SYDE2: variants seen among roughly 807,000 people sequenced by gnomAD.
SYDE2 encodes rho GTPase-activating protein SYDE2.
Under a neutral mutation model 91.5 loss-of-function variants are expected in SYDE2, and 76 were observed. The ratio of observed to expected loss-of-function variants is 0.83; its 90% CI spans 0.69 to 1.01. SYDE2 has a LOEUF of 1.01. Ranked by LOEUF, SYDE2 falls within the 50% of genes least tolerant of loss-of-function variation. The pLI is 0.00. For synonymous variants in SYDE2, 513 were observed against 506.4 expected (o/e 1.01, Z -0.18); for missense variants, 1,364 against 1,367.7 (o/e 1.00, Z 0.04).
In SYDE2 at chr1:85,190,253, T is replaced by C. The variant is rs1658312418; in HGVS notation, c.1245A>G (p.Ala415=). ...SMLSGSDLMK[A]ERHTEDSLCS... ...ACAGTGAGTCTTCAGTATGCCGCTC[T>C]GCTTTCATCAGGTCACTGCCAGACA... The change falls in exon 2 of 7, where the codon GCA becomes GCG. Residue 415 remains alanine (A), a synonymous_variant. Transcript: ENST00000341460. 6.2e-7 allele frequency: 1 copy of C among 1,614,008 alleles called. No homozygotes were observed. The highest frequency in any genetic ancestry group is 8.5e-7 in the Non-Finnish European group (1 of 1,179,880).
At chr1:85,188,961 T>G (rs1371312045) in intron 2 of SYDE2, among the ~76,000 whole-genome samples, 1 of 152,220 alleles carries the variant, frequency 6.6e-6, no homozygotes, top group African/African-American at 2.4e-5. Flanking sequence ...TAAAATGACT[T>G]GATATAAAAC....
chr1:85,181,109 T>C (rs1318556175), intron 3 of SYDE2: 1 of 149,478 alleles, frequency 6.7e-6, no homozygotes, highest in Non-Finnish European at 1.5e-5. Flanking sequence ...AGTTGAGATG[T>C]GTTATCTCTT....
Position 85,197,095 on chromosome 1 carries a change from T to C in SYDE2, c.745+3157A>G, listed in dbSNP as rs368653831. ...TATAAAGATTTATAATGATGTATAG[T>C]TGGCAAACACATTAAGATTCCTTTG... On this transcript the variant is annotated intron_variant, in intron 1 of 6. Coordinates refer to ENST00000341460, the MANE Select transcript of SYDE2 (RefSeq NM_032184.2). Among the ~76,000 whole-genome samples the C allele has an allele frequency of 2.3e-4, 35 of 152,320 alleles. 1 individual carries two copies. In the Middle Eastern group the frequency reaches 0.014, roughly 59 times the overall value.
chr1:85,164,883 T>C lies in SYDE2; in HGVS notation c.2854-126A>G, dbSNP rs1396121624. 6 of 542,972 alleles carry C rather than the reference T, an allele frequency of 1.1e-5. No individual in the cohort carries two copies. In the African/African-American group the frequency reaches 1.2e-4, roughly 11 times the overall value. 33.6% of individuals were successfully genotyped at this position (542,972 alleles called of 1,614,324 possible). A position where few individuals can be genotyped will look rare whatever the true frequency, so the allele number is the denominator to read the frequency against. ...AGGATTTTTTTTAAAGATTTGCGTA[T>C]AAATTGGATGTTTGGAACCTAGAAC... On this transcript the variant is annotated intron_variant, in intron 5 of 6. Coordinates refer to ENST00000341460, the MANE Select transcript of SYDE2 (RefSeq NM_032184.2).
At chr1:85,186,802 G>A (rs967542621) in intron 2 of SYDE2, among the ~76,000 whole-genome samples, 2 of 152,100 alleles carry the variant, frequency 1.3e-5, no homozygotes, top group Non-Finnish European at 2.9e-5. Flanking sequence ...TGGGAAAACT[G>A]GCTAGCCATA....
chr1:85,160,403 G>GT, intron 6 of SYDE2: 1 of 882,910 alleles, frequency 1.1e-6, no homozygotes, highest in Non-Finnish European at 1.4e-6. Flanking sequence ...ACACAGGTAT[G>GT]TTTTTAACAT....
At chr1:85,186,948 G>A (rs1342415804) in intron 2 of SYDE2, among the ~76,000 whole-genome samples, 1 of 152,190 alleles carries the variant, frequency 6.6e-6, no homozygotes, top group Non-Finnish European at 1.5e-5. Context: ...TCAGGACACA[G>A]GCATGGGCAA....
At chr1:85,198,556 CAT>C (rs1232302754) in intron 1 of SYDE2, among the ~76,000 whole-genome samples, 1 of 152,094 alleles carries the variant, frequency 6.6e-6, no homozygotes, top group Non-Finnish European at 1.5e-5. Flanking sequence ...AATATTATCA[CAT>C]AATAATTGTT....
At chr1:85,161,842 G>C (rs749654675) in intron 6 of SYDE2, among the ~76,000 whole-genome samples, 20 of 151,558 alleles carry the variant, frequency 1.3e-4, no homozygotes, top group Non-Finnish European at 2.1e-4. Flanking sequence ...ATTATTTTCA[G>C]TATTCTTAAA....
intron 4 of SYDE2, among the ~76,000 whole-genome samples, chr1:85,173,558 G>C (rs1247560486): frequency 6.6e-6 from 1 of 152,128 alleles, no homozygotes; most frequent in East Asian, 1.9e-4. Flanking sequence ...ACAAAGAAGA[G>C]CCTTATTTAA....
At chr1:85,160,616 T>C (rs941854903) in intron 6 of SYDE2, 2 of 985,424 alleles carry the variant, frequency 2.0e-6, no homozygotes, top group Non-Finnish European at 2.4e-6. Context: ...TCATATTCTT[T>C]TTCTTCCTCT....
Position 85,157,955 on chromosome 1 carries a change from C to T in SYDE2, c.*795G>A, listed in dbSNP as rs1656921152. The T allele has an allele frequency of 6.6e-6, 1 of 152,090 alleles. No individual in the cohort carries two copies. The highest frequency in any genetic ancestry group is 2.4e-5 in the African/African-American group (1 of 41,408). The allele number at this position is 152,090 out of a possible 1,614,324, so 9.4% of individuals were successfully genotyped here. A position where few individuals can be genotyped will look rare whatever the true frequency, so the allele number is the denominator to read the frequency against. On this transcript the variant is annotated 3_prime_UTR_variant, in exon 7 of 7. Coordinates refer to ENST00000341460, the MANE Select transcript of SYDE2 (RefSeq NM_032184.2). ...GAAAACATTAATACTTGTATAATTT[C>T]ACTTTTATTTATAAAAAGATTTTCT...
chr1:85,195,747 A>T (rs1407220706), intron 1 of SYDE2, among the ~76,000 whole-genome samples: 1 of 152,226 alleles, frequency 6.6e-6, no homozygotes, highest in Non-Finnish European at 1.5e-5. Context: ...AGTGCTCCTC[A>T]AGGCAGTACT....
chr1:85,182,999 G>T lies in SYDE2; in HGVS notation c.1643C>A (p.Thr548Lys). ...ATCTGGACTGTTTATATAATTCAAT[G>T]TTCCCTTAACGCTTAGCTTTCGGCT... ...EFSRKLSVKG[T>K]LNYINSPDNT... The change falls in exon 3 of 7, where the codon ACA becomes AAA. Residue 548 changes from threonine (T) to lysine (K), a missense_variant. Coordinates refer to ENST00000341460, the MANE Select transcript of SYDE2 (RefSeq NM_032184.2). The T allele has an allele frequency of 6.2e-7, 1 of 1,612,942 alleles. No homozygotes were observed. The highest frequency in any genetic ancestry group is 1.7e-5 in the Admixed American group (1 of 59,882).
chr1:85,182,367 A>G lies in SYDE2; in HGVS notation c.2275T>C (p.Cys759Arg), dbSNP rs1317934382. 1 of 1,613,906 alleles carries G rather than the reference A, an allele frequency of 6.2e-7. No homozygotes were observed. The highest frequency in any genetic ancestry group is 1.1e-5 in the South Asian group (1 of 91,064). Residue 759 changes from cysteine to arginine, a missense_variant, in exon 3 of 7, where the codon TGT becomes CGT. By Grantham distance (180) the Cys-to-Arg change is radical (BLOSUM62 -3). Coordinates refer to ENST00000341460, the MANE Select transcript of SYDE2 (RefSeq NM_032184.2). ...GGAAGAACAACAGTTCCATGACAAC[A>G]AACTCGATTTTTTCTTGGAGTGGGT... ...WEPTPRKNRV[C>R]CHGTVVLPTL...
Position 85,164,707 on chromosome 1 carries a change from A to G in SYDE2, c.2904T>C (p.His968=). ...TCTGGCACGTCATCTTATTCACTTC[A>G]TGATAGGAAGCCACCAATTTCAAAT... The part of the protein sequence containing the change: ...LDHLKLVASY[H]EVNKMTCQNL... Residue 968 remains histidine, a synonymous_variant, in exon 6 of 7, where the codon CAT becomes CAC. Transcript: ENST00000341460. 2 of 1,486,622 alleles carry G rather than the reference A, an allele frequency of 1.3e-6. No individual in the cohort carries two copies. Among genetic ancestry groups the G allele is most frequent in the South Asian group, 1.4e-5 (1 of 71,400 alleles). The allele number at this position is 1,486,622 out of a possible 1,614,324, so 92.1% of individuals were successfully genotyped here. A position where few individuals can be genotyped will look rare whatever the true frequency, so the allele number is the denominator to read the frequency against.
Position 85,200,290 on chromosome 1 carries a change from A to T in SYDE2, c.707T>A (p.Val236Asp), listed in dbSNP as rs61753619. The change falls in exon 1 of 7, where the codon GTC (valine) becomes GAC (aspartate). Residue 236 changes from valine to aspartate, a missense_variant. Physicochemically the swap from Val to Asp is radical, Grantham distance 152. Transcript: ENST00000341460. ...VGALKVRENR[V>D]LSVPPDQRIT... ...TCTTTGGTCTGGAGGCACCGACAGG[A>T]CACGGTTTTCACGCACTTTCAAAGC... The T allele has an allele frequency of 2.4e-3, 3,835 of 1,613,944 alleles. 82 individuals are homozygous for T. In the African/African-American group the frequency reaches 0.045, roughly 19 times the overall value.
rs1446860758 is a variant in SYDE2 at position 85,200,940 on chromosome 1, A to G, written c.57T>C (p.Asp19=). The change falls in exon 1 of 7, where the codon GAT becomes GAC. Residue 19 remains aspartate, a synonymous_variant. Transcript: ENST00000341460. ...GARRGGRGLA[D]HSFPAGARAP... ...CCCGGGCTCCCGCGGGGAAGCTGTG[A>G]TCCGCCAAGCCCCTGCCGCCCCGCC... 4 of 1,320,678 alleles carry G rather than the reference A, an allele frequency of 3.0e-6. No homozygotes were observed. In the African/African-American group the frequency reaches 6.2e-5, roughly 20 times the overall value. The allele number at this position is 1,320,678 out of a possible 1,614,324, so 81.8% of individuals were successfully genotyped here.
chr1:85,192,422 A>T (rs1373505280), intron 1 of SYDE2, among the ~76,000 whole-genome samples: 1 of 152,166 alleles, frequency 6.6e-6, no homozygotes, highest in African/African-American at 2.4e-5. Flanking sequence ...AAATAAATGA[A>T]TAAATATATT....
Sources: gnomAD v4.1 joint callset for allele counts (sites outside exome capture counted in the v4.1 genomes callset) on GRCh38, gnomAD v4.1.1 for gene constraint, MANE v1.5 for transcripts, NCBI Gene and HGNC (gene_info 2026-07-23, HGNC 2026-07-21) for gene names.